The following KCNJ6 variants were observed in gnomAD, a reference collection of about 807,000 sequenced individuals.
KCNJ6 encodes the protein G protein-activated inward rectifier potassium channel 2.
KCNJ6 carries 9 observed loss-of-function variants against 34.2 expected under a neutral mutation model. The observed-to-expected ratio is 0.26, with a 90% confidence interval of 0.16 to 0.46. The LOEUF is 0.46. Among genes scored for constraint, KCNJ6 ranks in the 20% least tolerant of loss-of-function variants. KCNJ6 has a pLI of 1.00. For missense variants in KCNJ6, 236 were observed against 531.3 expected, an observed-to-expected ratio of 0.44 and a Z score of 5.46; for synonymous variants, 196 against 207.1, an observed-to-expected ratio of 0.95 and a Z score of 0.46.
intron 1 of KCNJ6, among the ~76,000 whole-genome samples, chr21:37,859,487 T>TATA (rs2055582251): frequency 3.4e-4 from 29 of 84,280 alleles, no homozygotes; most frequent in African/African-American, 1.1e-3. Context: ...TTATATTACT[T>TATA]TATATATATA....
chr21:37,847,590 C>T (rs564127752), intron 1 of KCNJ6, among the ~76,000 whole-genome samples: 1 of 152,210 alleles, frequency 6.6e-6, no homozygotes, highest in Non-Finnish European at 1.5e-5. Context: ...GTAAAGCCAG[C>T]TTTACACCTG....
At chr21:37,789,046 C>T (rs2055204964) in intron 2 of KCNJ6, among the ~76,000 whole-genome samples, 1 of 152,204 alleles carries the variant, frequency 6.6e-6, no homozygotes, top group Non-Finnish European at 1.5e-5. Flanking sequence ...TCCACAGTCT[C>T]CTCTCTCTTA....
chr21:37,870,806 G>T (rs967440482), intron 1 of KCNJ6, among the ~76,000 whole-genome samples: 1 of 152,118 alleles, frequency 6.6e-6, no homozygotes, highest in African/African-American at 2.4e-5. Flanking sequence ...TGATGCCATC[G>T]TCCATCATGG....
At chr21:37,785,828 A>C (rs1390862270) in intron 2 of KCNJ6, among the ~76,000 whole-genome samples, 1 of 152,194 alleles carries the variant, frequency 6.6e-6, no homozygotes, top group African/African-American at 2.4e-5. Flanking sequence ...GGATCATGAG[A>C]TTGGAGCCTA....
chr21:37,713,045 A>C, intron 3 of KCNJ6, among the ~76,000 whole-genome samples: 1 of 152,136 alleles, frequency 6.6e-6, no homozygotes, highest in African/African-American at 2.4e-5. Flanking sequence ...TGCATTTAAA[A>C]ACCCTATAGC....
intron 3 of KCNJ6, among the ~76,000 whole-genome samples, chr21:37,674,303 A>G (rs1262669688): frequency 6.6e-6 from 1 of 152,172 alleles, no homozygotes; most frequent in Non-Finnish European, 1.5e-5. Context: ...CATCCCGGAA[A>G]TCCCTCAGTC....
At chr21:37,894,756 C>T (rs939454328) in intron 1 of KCNJ6, among the ~76,000 whole-genome samples, 39 of 152,258 alleles carry the variant, frequency 2.6e-4, no homozygotes, top group African/African-American at 7.7e-4. Flanking sequence ...CTACTTTTGA[C>T]GCTGCTTTTA....
intron 1 of KCNJ6, among the ~76,000 whole-genome samples, chr21:37,854,059 A>G (rs2123594262): frequency 6.6e-6 from 1 of 151,638 alleles, no homozygotes; most frequent in African/African-American, 2.4e-5. Flanking sequence ...AAAACAAAAA[A>G]TTAAATGGCC....
At chr21:37,863,544 G>A (rs899965181) in intron 1 of KCNJ6, among the ~76,000 whole-genome samples, 2 of 152,150 alleles carry the variant, frequency 1.3e-5, no homozygotes, top group Non-Finnish European at 2.9e-5. Flanking sequence ...CGATTTGGAT[G>A]TATTTTGCTT....
In KCNJ6 at chr21:37,617,061, T is replaced by C. The variant is rs1026239334; in HGVS notation, c.*8098A>G. The C allele has an allele frequency of 7.1e-5, 6 of 84,016 alleles. No individual in the cohort carries two copies. Among genetic ancestry groups the C allele is most frequent in the Non-Finnish European group, 1.3e-4 (4 of 31,264 alleles). The allele number at this position is 84,016 out of a possible 1,614,324, so 5.2% of individuals were successfully genotyped here. A position where few individuals can be genotyped will look rare whatever the true frequency, so the allele number is the denominator to read the frequency against. On this transcript the variant is annotated 3_prime_UTR_variant, in exon 4 of 4. Coordinates refer to ENST00000609713, the MANE Select transcript of KCNJ6 (RefSeq NM_002240.5). Reference sequence around the variant, plus strand: ...CTTTCTTTCTTTCTTTCTTTTCTTTTCTTTTCTTTTCTTTTCTTTCTTTTT... The same window carrying C: ...CTTTCTTTCTTTCTTTCTTTTCTTTCCTTTTCTTTTCTTTTCTTTCTTTTT...
intron 3 of KCNJ6, among the ~76,000 whole-genome samples, chr21:37,686,336 C>T (rs1433101572): frequency 6.6e-6 from 1 of 151,924 alleles, no homozygotes; most frequent in Non-Finnish European, 1.5e-5. Context: ...TCCAGTCCAA[C>T]TGGCTGTGAA....
intron 3 of KCNJ6, among the ~76,000 whole-genome samples, chr21:37,626,490 C>T (rs568055598): frequency 6.6e-6 from 1 of 152,266 alleles, no homozygotes; most frequent in African/African-American, 2.4e-5. Flanking sequence ...AAAAGCACCA[C>T]GTGAGCTACC....
chr21:37,903,251 C>G (rs114476455), intron 1 of KCNJ6, among the ~76,000 whole-genome samples: 431 of 152,264 alleles, frequency 2.8e-3, no homozygotes, highest in African/African-American at 0.01. Flanking sequence ...TAGTTTCTCC[C>G]TACTGTCTCA....
At chr21:37,800,900 A>G (rs1023241501) in intron 2 of KCNJ6, among the ~76,000 whole-genome samples, 2 of 152,210 alleles carry the variant, frequency 1.3e-5, no homozygotes, top group Admixed American at 1.3e-4. Flanking sequence ...GCACTGGATT[A>G]TCGGGTAGGA....
chr21:37,700,952 G>A (rs182614055), intron 3 of KCNJ6, among the ~76,000 whole-genome samples: 6 of 152,262 alleles, frequency 3.9e-5, no homozygotes, highest in African/African-American at 9.6e-5. Flanking sequence ...ACAAGATGAC[G>A]GCCAGGTCAT....
intron 3 of KCNJ6, among the ~76,000 whole-genome samples, chr21:37,633,168 T>G (rs1355541555): frequency 6.6e-6 from 1 of 152,166 alleles, no homozygotes; most frequent in Admixed American, 6.5e-5. Flanking sequence ...TTCCAAGGAA[T>G]GCAAGGGTGG....
chr21:37,625,018 T>C lies in KCNJ6; in HGVS notation c.*141A>G. ...GAGGGCAGGTAGATATTTTACACCT[T>C]GAAGATTTGTTTTCTGGTCATGTAA... On this transcript the variant is annotated 3_prime_UTR_variant, in exon 4 of 4. Transcript: ENST00000609713. 1 of 670,490 alleles carries C rather than the reference T, an allele frequency of 1.5e-6. No individual in the cohort carries two copies. Among genetic ancestry groups the C allele is most frequent in the Non-Finnish European group, 2.6e-6 (1 of 390,626 alleles). 41.5% of individuals were successfully genotyped at this position (670,490 alleles called of 1,614,324 possible).
intron 3 of KCNJ6, among the ~76,000 whole-genome samples, chr21:37,707,550 G>A (rs775231604): frequency 1.8e-4 from 27 of 152,152 alleles, no homozygotes; most frequent in African/African-American, 3.1e-4. Flanking sequence ...ATGACACAAA[G>A]GGGCACAGAT....
At chr21:37,683,371 T>A (rs1200740587) in intron 3 of KCNJ6, among the ~76,000 whole-genome samples, 1 of 152,174 alleles carries the variant, frequency 6.6e-6, no homozygotes, top group Admixed American at 6.5e-5. Context: ...CTTGCTTTTT[T>A]AAAAACAGCA....
Sources: gnomAD v4.1 joint callset for allele counts (sites outside exome capture counted in the v4.1 genomes callset) on GRCh38, gnomAD v4.1.1 for gene constraint, MANE v1.5 for transcripts, NCBI Gene and HGNC (gene_info 2026-07-23, HGNC 2026-07-21) for gene names.